Variants in BICC1 observed in about 807,000 individuals in gnomAD.
BICC1 encodes the protein BicC family RNA binding protein 1, also known as protein bicaudal C homolog 1.
BICC1 carries 43 observed loss-of-function variants against 111.0 expected under a neutral mutation model. The ratio of observed to expected loss-of-function variants is 0.39; its 90% CI spans 0.30 to 0.50. The LOEUF is 0.50. BICC1 is among the 20% of genes least tolerant of loss of function. The pLI, the probability that BICC1 is intolerant of heterozygous loss-of-function variation, is 0.88. For missense variants in BICC1, 1,091 were observed against 1,203.2 expected, an observed-to-expected ratio of 0.91 and a Z score of 1.38; for synonymous variants, 467 against 434.4, an observed-to-expected ratio of 1.07 and a Z score of -0.93.
chr10:58,704,245 G>A (rs1393279722), intron 3 of BICC1, among the ~76,000 whole-genome samples: 1 of 152,176 alleles, frequency 6.6e-6, no homozygotes, highest in African/African-American at 2.4e-5. Context: ...TGGATCTATA[G>A]ACATCATTTA....
intron 2 of BICC1, among the ~76,000 whole-genome samples, chr10:58,684,100 G>A (rs964415889): frequency 1.3e-5 from 2 of 152,084 alleles, no homozygotes; most frequent in South Asian, 2.1e-4. Context: ...GTTGAATTTC[G>A]TCGAAGGCCT....
intron 2 of BICC1, among the ~76,000 whole-genome samples, chr10:58,685,587 C>T (rs543933340): frequency 6.6e-6 from 1 of 152,316 alleles, no homozygotes; most frequent in South Asian, 2.1e-4. Flanking sequence ...AGAGTTAGCT[C>T]TTCTTGTGGA....
At chr10:58,663,687 T>G (rs1464249797) in intron 2 of BICC1, among the ~76,000 whole-genome samples, 1 of 152,200 alleles carries the variant, frequency 6.6e-6, no homozygotes, top group Non-Finnish European at 1.5e-5. Flanking sequence ...ATCTAATGCC[T>G]GATGATCTGC....
chr10:58,799,347 G>A, intron 12 of BICC1, 95 bp downstream of exon 12: 3 of 904,900 alleles, frequency 3.3e-6, no homozygotes, highest in Non-Finnish European at 4.7e-6. Context: ...GTGTGTGTGT[G>A]ATCTCTGCTG....
chr10:58,550,237 G>A (rs1411013389), intron 1 of BICC1, among the ~76,000 whole-genome samples: 1 of 152,018 alleles, frequency 6.6e-6, no homozygotes, highest in Non-Finnish European at 1.5e-5. Context: ...GACCAGGCTG[G>A]TCTCAAACTT....
rs561353854 is a variant in BICC1, at chr10:58,771,734, A to G, written c.308-13267A>G. On this transcript the variant is annotated intron_variant, in intron 3 of 20. Transcript: ENST00000373886. ...TTGTAGTGTGAATTTTATGAAGGGA[A>G]ATAATGGAAGAGAAAGCTAAACAGC... Among the ~76,000 whole-genome samples, 17 of 152,160 alleles carry G rather than the reference A, an allele frequency of 1.1e-4. No homozygotes were observed. The South Asian group carries it at 3.5e-3, about 32-fold the overall frequency.
intron 1 of BICC1, among the ~76,000 whole-genome samples, chr10:58,543,190 AAAAG>A (rs1265052694): frequency 6.6e-6 from 1 of 152,150 alleles, no homozygotes; most frequent in Non-Finnish European, 1.5e-5. Context: ...CAGGATTAAA[AAAAG>A]GAAATCCTGT....
rs149809580 is a variant in BICC1, at chr10:58,740,308, A to G, written c.307+38165A>G. 2.5e-3 allele frequency among the ~76,000 whole-genome samples: 385 copies of G among 152,322 alleles called. 3 individuals carry two copies. Among genetic ancestry groups the G allele is most frequent in the African/African-American group, 8.7e-3 (363 of 41,580 alleles). ...AATTCTAAAAGATTTGCACATGTAT[A>G]AAGAAAAGACGATTATAATTTAGAA... On this transcript the variant is annotated intron_variant, in intron 3 of 20. Coordinates refer to ENST00000373886, the MANE Select transcript of BICC1 (RefSeq NM_001080512.3).
intron 3 of BICC1, among the ~76,000 whole-genome samples, chr10:58,784,455 T>C (rs1042230108): frequency 6.6e-6 from 1 of 152,208 alleles, no homozygotes; most frequent in Non-Finnish European, 1.5e-5. Context: ...TGTGGTGATG[T>C]CTTTTAAATG....
At chr10:58,621,548 C>T (rs964000891) in intron 2 of BICC1, among the ~76,000 whole-genome samples, 4 of 152,204 alleles carry the variant, frequency 2.6e-5, no homozygotes, top group South Asian at 4.2e-4. Flanking sequence ...TGCAGTGGCT[C>T]ATGCCTGTAA....
chr10:58,590,556 C>T (rs572893748), intron 1 of BICC1, among the ~76,000 whole-genome samples: 1 of 152,276 alleles, frequency 6.6e-6, no homozygotes, highest in South Asian at 2.1e-4. Flanking sequence ...ATGATAATTA[C>T]AGTACTTGAA....
chr10:58,568,660 C>T (rs1425491873), intron 1 of BICC1, among the ~76,000 whole-genome samples: 2 of 152,136 alleles, frequency 1.3e-5, no homozygotes, highest in Non-Finnish European at 2.9e-5. Context: ...CCCCAAACAT[C>T]CAGCCAGGGT....
intron 3 of BICC1, among the ~76,000 whole-genome samples, chr10:58,769,056 A>G (rs1842537696): frequency 6.6e-6 from 1 of 152,102 alleles, no homozygotes; most frequent in Non-Finnish European, 1.5e-5. Context: ...CAAATACTGC[A>G]TAATATAACT....
intron 2 of BICC1, among the ~76,000 whole-genome samples, chr10:58,640,262 A>G (rs993059791): frequency 6.6e-6 from 1 of 152,152 alleles, no homozygotes; most frequent in East Asian, 1.9e-4. Context: ...TTCCTCGAGC[A>G]TTTTATTTGC....
At chr10:58,516,858 C>A (rs751179120) in intron 1 of BICC1, among the ~76,000 whole-genome samples, 5 of 151,906 alleles carry the variant, frequency 3.3e-5, no homozygotes, top group South Asian at 2.1e-4. Flanking sequence ...ACTGAGTTAT[C>A]AGGGAGGAAA....
At chr10:58,733,066 A>G (rs974605464) in intron 3 of BICC1, among the ~76,000 whole-genome samples, 2 of 152,182 alleles carry the variant, frequency 1.3e-5, no homozygotes, top group African/African-American at 4.8e-5. Context: ...TCTATAAAGC[A>G]TAATAAAGCA....
chr10:58,559,681 G>A (rs532338350), intron 1 of BICC1, among the ~76,000 whole-genome samples: 73 of 152,048 alleles, frequency 4.8e-4, no homozygotes, highest in Admixed American at 2.1e-3. Context: ...TTAGAGGAAA[G>A]CCTTTCACAT....
At position 58,769,973 on chromosome 10, in the gene BICC1, A is replaced by G. The variant is rs572681160; in HGVS notation, c.308-15028A>G. On this transcript the variant is annotated intron_variant, in intron 3 of 20. Transcript: ENST00000373886. Reference sequence around the variant, plus strand: ...GTGCTACAAAATATTTCAGGTTTACATATCTTTATTATATGTTCAGTCAAA... The same window carrying G: ...GTGCTACAAAATATTTCAGGTTTACGTATCTTTATTATATGTTCAGTCAAA... 2.6e-5 allele frequency among the ~76,000 whole-genome samples: 4 copies of G among 152,282 alleles called. No homozygotes were observed. In the South Asian group the frequency reaches 8.3e-4, roughly 32 times the overall value.
In BICC1 at chr10:58,806,618, C is replaced by A. The variant is rs1274392196; in HGVS notation, c.2216C>A (p.Thr739Asn). 2 of 1,611,052 alleles carry A rather than the reference C, an allele frequency of 1.2e-6. No homozygotes were observed. Among genetic ancestry groups the A allele is most frequent in the South Asian group, 2.2e-5 (2 of 90,958 alleles). ...FDYEQKKLLA[T>N]KAMLKKPVVT... is the part of the protein sequence containing the mutation. Reference sequence around the variant, plus strand: ...TATGAACAGAAGAAGCTATTAGCCACCAAAGGTATGTAATACACTAATAAC... The same window carrying A: ...TATGAACAGAAGAAGCTATTAGCCAACAAAGGTATGTAATACACTAATAAC... The change falls in exon 16 of 21, where the codon ACC (threonine) becomes AAC (asparagine). Residue 739 changes from threonine to asparagine, a missense_variant. Around this residue, in one of 3 missense-constraint regions of BICC1, gnomAD observed 17 missense variants for 46.2 expected, o/e 0.37. Coordinates refer to ENST00000373886, the MANE Select transcript of BICC1 (RefSeq NM_001080512.3).
Sources: allele counts gnomAD v4.1 joint callset (sites outside exome capture counted in the v4.1 genomes callset), GRCh38; gene constraint gnomAD v4.1.1; regional missense constraint gnomAD v4.1.1; transcripts MANE v1.5; gene names NCBI Gene and HGNC (gene_info 2026-07-23, HGNC 2026-07-21).